FCRLA: variants seen among roughly 807,000 people sequenced by gnomAD.
FCRLA encodes the protein Fc receptor-like A.
A neutral mutation model predicts 28.4 loss-of-function variants in FCRLA; 26 were observed. The observed-to-expected ratio is 0.91, with a 90% CI of 0.67 to 1.27. The LOEUF (loss-of-function observed/expected upper bound fraction) is 1.27. FCRLA is among the 50% of genes most tolerant of loss of function. FCRLA has a pLI of 0.00. For missense variants in FCRLA, 422 were observed against 433.1 expected, an observed-to-expected ratio of 0.97 and a Z score of 0.23; for synonymous variants, 174 against 168.5, an observed-to-expected ratio of 1.03 and a Z score of -0.25.
intron 4 of FCRLA, 90 bp from the exon 5 acceptor site, chr1:161,712,995 T>G (rs2101662970): frequency 6.8e-7 from 1 of 1,461,434 alleles, no homozygotes; most frequent in East Asian, 2.3e-5. Context: ...CACAGCCACT[T>G]TCAGAGAACA....
rs1051556292 is a variant in FCRLA, at chr1:161,713,570, A to G, written c.*190A>G. 3.6e-6 allele frequency: 2 copies of G among 560,946 alleles called. No individual in the cohort carries two copies. Among genetic ancestry groups the G allele is most frequent in the Non-Finnish European group, 6.2e-6 (2 of 320,120 alleles). 34.7% of individuals were successfully genotyped at this position (560,946 alleles called of 1,614,324 possible). ...AATTAGAGTTTAGCTATAATTGTGT[A>G]TTCTCTCTTAACACAACAGAATTCT... is the stretch of plus-strand genomic sequence containing the variant. On this transcript the variant is annotated 3_prime_UTR_variant, in exon 5 of 5. Transcript: ENST00000236938.
At position 161,711,480 on chromosome 1, in the gene FCRLA, A is replaced by G. The variant is rs1319570488; in HGVS notation, c.499+6A>G. 3.7e-6 allele frequency: 6 copies of G among 1,607,082 alleles called. No homozygotes were observed. The highest frequency in any genetic ancestry group is 5.1e-6 in the Non-Finnish European group (6 of 1,175,240). On this transcript the variant is annotated splice_donor_region_variant and intron_variant, in intron 3 of 4. Coordinates refer to ENST00000236938, the MANE Select transcript of FCRLA (RefSeq NM_032738.4). ...TGTGGCTATCACAGTCCAAGGTGAGAGCTAGAAGCAGCATTGTCATGGCAG... is the reference window on the plus strand; with the variant it reads ...TGTGGCTATCACAGTCCAAGGTGAGGGCTAGAAGCAGCATTGTCATGGCAG...
chr1:161,711,097 G>A, intron 2 of FCRLA, 111 bp from the exon 3 acceptor site: 1 of 1,474,156 alleles, frequency 6.8e-7, no homozygotes, highest in South Asian at 1.3e-5. Flanking sequence ...CTCCCAACCA[G>A]GGGTGAGAGT....
At chr1:161,709,834 A>C (rs113214681) in intron 1 of FCRLA, among the ~76,000 whole-genome samples, 4,134 of 152,192 alleles carry the variant, frequency 0.027, 184 homozygotes, top group African/African-American at 0.095. Flanking sequence ...GGTTGAGGAG[A>C]TGTGGTGAGA....
intron 4 of FCRLA, among the ~76,000 whole-genome samples, chr1:161,712,439 G>A (rs574718908): frequency 6.6e-6 from 1 of 152,242 alleles, no homozygotes; most frequent in East Asian, 1.9e-4. Flanking sequence ...ACCAAGAGCT[G>A]AGCCAGCTCC....
rs118029428 is a variant in FCRLA, at chr1:161,713,820, C to T, written c.*440C>T. 314 of 159,064 alleles carry T rather than the reference C, an allele frequency of 2.0e-3. 4 individuals are homozygous for T. In the East Asian group the frequency reaches 0.035, roughly 18 times the overall value. 9.9% of individuals were successfully genotyped at this position (159,064 alleles called of 1,614,324 possible). A position where few individuals can be genotyped will look rare whatever the true frequency, so the allele number is the denominator to read the frequency against. ...TCCAGTAAATAGAAGCCAGGGGTGC[C>T]GCTAAACATCCTATAATGCACAGGG... On this transcript the variant is annotated 3_prime_UTR_variant, in exon 5 of 5. Coordinates refer to ENST00000236938, the MANE Select transcript of FCRLA (RefSeq NM_032738.4).
At position 161,711,225 on chromosome 1, in the gene FCRLA, G is replaced by T. The variant is rs1683082973; in HGVS notation, c.250G>T (p.Gly84Cys). The T allele has an allele frequency of 1.2e-6, 2 of 1,613,532 alleles. No individual in the cohort carries two copies. Among genetic ancestry groups the T allele is most frequent in the African/African-American group, 2.7e-5 (2 of 74,934 alleles). Residue 84 changes from glycine to cysteine, a missense_variant, in exon 3 of 5, where the codon GGT (glycine) becomes TGT (cysteine). Coordinates refer to ENST00000236938, the MANE Select transcript of FCRLA (RefSeq NM_032738.4). ...IVSYDWLILQ[G>C]PAKPVFEGDL... is the part of the protein sequence containing the mutation. ...GACCATAGACTGGCTGATCCTCCAA[G>T]GTCCAGCCAAGCCAGTTTTTGAAGG...
At chr1:161,707,424 G>C in intron 1 of FCRLA, 81 bp downstream of exon 1, 1 of 1,450,354 alleles carries the variant, frequency 6.9e-7, no homozygotes, top group Non-Finnish European at 9.2e-7. Context: ...AAGAAACATG[G>C]ACTAATTCTG....
chr1:161,712,601 TC>T (rs369937994), intron 4 of FCRLA, among the ~76,000 whole-genome samples: 5 of 152,190 alleles, frequency 3.3e-5, no homozygotes, highest in African/African-American at 1.2e-4. Flanking sequence ...CCTGAAACAC[TC>T]CCAGAAGAGG....
At chr1:161,710,622 C>CA in intron 1 of FCRLA, 138 bp from the exon 2 acceptor site, 5 of 1,376,904 alleles carry the variant, frequency 3.6e-6, no homozygotes, top group Non-Finnish European at 4.0e-6. Flanking sequence ...GGGGTCTTTC[C>CA]GAAAAAAAAA....
At chr1:161,712,693 G>A (rs1683166025) in intron 4 of FCRLA, among the ~76,000 whole-genome samples, 1 of 152,196 alleles carries the variant, frequency 6.6e-6, no homozygotes. Context: ...CTGAAGAGGA[G>A]GTGACTCAGA....
chr1:161,711,168 G>A (rs1423508550), intron 2 of FCRLA, 40 bp from the exon 3 acceptor site: 2 of 1,577,640 alleles, frequency 1.3e-6, no homozygotes, highest in Non-Finnish European at 1.7e-6. Flanking sequence ...GCCCCCAAGG[G>A]AGGCCCTGGG....
chr1:161,711,914 C>T lies in FCRLA; in HGVS notation c.500-20C>T. On this transcript the variant is annotated intron_variant, in intron 3 of 4. Transcript: ENST00000236938. ...ATATAAGATGGCTGAGCTCTTCTTT[C>T]CTGCCTATCTTTTTCCCAGAACTGT... The T allele has an allele frequency of 3.1e-6, 5 of 1,591,514 alleles. No homozygotes were observed. The highest frequency in any genetic ancestry group is 4.3e-6 in the Non-Finnish European group (5 of 1,168,120).
At position 161,713,249 on chromosome 1, in the gene FCRLA, C is replaced by A. The variant is rs1458255521; in HGVS notation, c.949C>A (p.Leu317Met). The A allele has an allele frequency of 1.2e-6, 2 of 1,614,230 alleles. No homozygotes were observed. The highest frequency in any genetic ancestry group is 1.7e-5 in the Admixed American group (1 of 60,026). Residue 317 changes from leucine (L) to methionine (M), a missense_variant, in exon 5 of 5, where the codon CTG (leucine) becomes ATG (methionine). By Grantham distance (15) the Leu-to-Met change is conservative. Transcript: ENST00000236938. Reference protein sequence around the residue: ...SSPLGMPDPHLYHQMGLLLKH... With the variant: ...SSPLGMPDPHMYHQMGLLLKH... ...TCCTCTGGGGATGCCAGATCCTCAT[C>A]TGTATCACCAGATGGGCCTTCTTCT... is the stretch of plus-strand genomic sequence containing the variant.
At chr1:161,710,731 T>C (rs1683054229) in intron 1 of FCRLA, 29 bp from the exon 2 acceptor site, 1 of 1,613,954 alleles carries the variant, frequency 6.2e-7, no homozygotes, top group African/African-American at 1.3e-5. Flanking sequence ...CATCATTTTC[T>C]GGTTCTCCCT....
chr1:161,710,523 C>T (rs1276501490), intron 1 of FCRLA: 1 of 1,549,332 alleles, frequency 6.5e-7, no homozygotes, highest in Admixed American at 2.0e-5. Flanking sequence ...ATTCTCTCCC[C>T]TCCCTCTTCT....
At position 161,711,993 on chromosome 1, in the gene FCRLA, C is replaced by T. The variant is rs367592031; in HGVS notation, c.559C>T (p.Pro187Ser). 2 of 1,614,130 alleles carry T rather than the reference C, an allele frequency of 1.2e-6. No homozygotes were observed. Among genetic ancestry groups the T allele is most frequent in the Non-Finnish European group, 1.7e-6 (2 of 1,180,028 alleles). Residue 187 changes from proline (P) to serine (S), a missense_variant, in exon 4 of 5, where the codon CCC becomes TCC. This residue lies in a region of FCRLA where 6 missense variants were observed against 20.4 expected (regional missense o/e 0.29). Transcript: ENST00000236938. ...CTCAGCTGAACCCCAAGCAGGAAGC[C>T]CCATGACCCTGAGTTGTCAGACAAA... ...VPSAEPQAGS[P>S]MTLSCQTKLP...
chr1:161,709,610 A>G (rs753582492), intron 1 of FCRLA, among the ~76,000 whole-genome samples: 4 of 152,002 alleles, frequency 2.6e-5, no homozygotes, highest in Non-Finnish European at 5.9e-5. Flanking sequence ...AAGGGACATG[A>G]CAAAATCAAA....
At chr1:161,707,951 C>A (rs1415553146) in intron 1 of FCRLA, among the ~76,000 whole-genome samples, 6 of 152,164 alleles carry the variant, frequency 3.9e-5, no homozygotes, top group African/African-American at 1.4e-4. Context: ...TGCCTCTGTA[C>A]TCCTCTTTCT....
Sources: allele counts gnomAD v4.1 joint callset (sites outside exome capture counted in the v4.1 genomes callset), GRCh38; gene constraint gnomAD v4.1.1; regional missense constraint gnomAD v4.1.1; transcripts MANE v1.5; gene names NCBI Gene and HGNC (gene_info 2026-07-23, HGNC 2026-07-21).